Variants in SLC2A13 observed in about 807,000 individuals in gnomAD.
The protein encoded by SLC2A13 is proton myo-inositol cotransporter.
In SLC2A13, 32 loss-of-function variants were observed where a neutral mutation model predicts 64.4. The observed-to-expected ratio is 0.50, with a 90% CI of 0.37 to 0.67. SLC2A13 has a LOEUF of 0.67. Among genes scored for constraint, SLC2A13 ranks in the 30% least tolerant of loss-of-function variants. The pLI, the probability that SLC2A13 is intolerant of heterozygous loss-of-function variation, is 0.00. For synonymous variants in SLC2A13, 338 were observed against 327.1 expected (o/e 1.03, Z -0.36); for missense variants, 743 against 829.2 (o/e 0.90, Z 1.28).
At chr12:39,779,205 A>G (rs138356283) in intron 7 of SLC2A13, among the ~76,000 whole-genome samples, 4 of 152,326 alleles carry the variant, frequency 2.6e-5, no homozygotes, top group Non-Finnish European at 5.9e-5. Flanking sequence ...TTGGCAAGCC[A>G]TTCAACCTCA....
intron 7 of SLC2A13, among the ~76,000 whole-genome samples, chr12:39,805,970 C>G (rs897978848): frequency 2.0e-5 from 3 of 152,172 alleles, no homozygotes; most frequent in Non-Finnish European, 4.4e-5. Context: ...TCATTAAACA[C>G]TTTCCTTAGC....
At chr12:39,896,529 C>CATAT (rs1565528833) in intron 4 of SLC2A13, among the ~76,000 whole-genome samples, 5 of 140,254 alleles carry the variant, frequency 3.6e-5, no homozygotes, top group African/African-American at 1.1e-4. Flanking sequence ...TACATGTATA[C>CATAT]ATGTATGTAT....
intron 7 of SLC2A13, chr12:39,802,171 T>A (rs1941815787): frequency 6.6e-6 from 1 of 152,172 alleles, no homozygotes; most frequent in South Asian, 2.1e-4. Context: ...TGCTTAGAAG[T>A]CTCTGTTTGA....
In SLC2A13 at chr12:40,066,062, T is replaced by A. The variant is rs868858809; in HGVS notation, c.557-17852A>T. Reference sequence around the variant, plus strand: ...GAAAACTTACACATTCAAAGCAACTTAAGAAACACACACATATTAAACAGA... The same window carrying A: ...GAAAACTTACACATTCAAAGCAACTAAAGAAACACACACATATTAAACAGA... On this transcript the variant is annotated intron_variant, in intron 1 of 9. Coordinates refer to ENST00000280871, the MANE Select transcript of SLC2A13 (RefSeq NM_052885.4). Among the ~76,000 whole-genome samples, 4 of 152,186 alleles carry A rather than the reference T, an allele frequency of 2.6e-5. No homozygotes were observed. In the East Asian group the frequency reaches 7.7e-4, roughly 29 times the overall value.
At chr12:39,764,126 T>G (rs1270496779) in intron 9 of SLC2A13, among the ~76,000 whole-genome samples, 1 of 152,040 alleles carries the variant, frequency 6.6e-6, no homozygotes, top group African/African-American at 2.4e-5. Context: ...TACCATTTTC[T>G]GTTTTTTTTT....
At chr12:39,845,693 A>G (rs961824337) in intron 6 of SLC2A13, among the ~76,000 whole-genome samples, 1 of 152,156 alleles carries the variant, frequency 6.6e-6, no homozygotes, top group Non-Finnish European at 1.5e-5. Context: ...AGATAGCATC[A>G]TGTCCTCTGA....
At chr12:39,937,501 C>T (rs767253702) in intron 4 of SLC2A13, among the ~76,000 whole-genome samples, 68 of 152,156 alleles carry the variant, frequency 4.5e-4, no homozygotes, top group South Asian at 1.2e-3. Context: ...TTCTGGGACA[C>T]ATCCCTGGAC....
At chr12:40,022,729 T>C (rs1947740836) in intron 3 of SLC2A13, among the ~76,000 whole-genome samples, 1 of 151,796 alleles carries the variant, frequency 6.6e-6, no homozygotes. Flanking sequence ...TCCCAGCTAC[T>C]GGGGAGGCTG....
At chr12:39,782,522 G>T (rs1941029644) in intron 7 of SLC2A13, among the ~76,000 whole-genome samples, 1 of 152,124 alleles carries the variant, frequency 6.6e-6, no homozygotes, top group Non-Finnish European at 1.5e-5. Context: ...GGAACTGTAA[G>T]TCCAATTAAA....
At chr12:39,851,658 A>T (rs1943473265) in intron 6 of SLC2A13, among the ~76,000 whole-genome samples, 1 of 152,188 alleles carries the variant, frequency 6.6e-6, no homozygotes, top group African/African-American at 2.4e-5. Flanking sequence ...ACATAGGAAA[A>T]CACCAATTAT....
chr12:39,896,249 CATGTATGTATATGTGTGTATATATGT>C (rs1565527607), intron 4 of SLC2A13, among the ~76,000 whole-genome samples: 46 of 92,524 alleles, frequency 5.0e-4, no homozygotes, highest in Non-Finnish European at 9.5e-4. Flanking sequence ...TATATGTATA[CATGTATGTATATGTGTGTATATATGT>C]ATACATGTAT....
intron 2 of SLC2A13, among the ~76,000 whole-genome samples, chr12:40,041,074 TC>T (rs1191989134): frequency 1.3e-5 from 2 of 152,160 alleles, no homozygotes; most frequent in Non-Finnish European, 2.9e-5. Context: ...TGCCTCAGCC[TC>T]CCGAGTAACT....
chr12:39,940,130 C>G (rs971053982), intron 4 of SLC2A13, among the ~76,000 whole-genome samples: 32 of 152,106 alleles, frequency 2.1e-4, no homozygotes, highest in Non-Finnish European at 4.3e-4. Context: ...ATTCACTAAT[C>G]TGGAAATACT....
chr12:40,047,698 C>A (rs930607026), intron 2 of SLC2A13, among the ~76,000 whole-genome samples: 3 of 152,170 alleles, frequency 2.0e-5, no homozygotes, highest in African/African-American at 7.2e-5. Context: ...TTAGTTATAT[C>A]TGTAGTTCAT....
intron 3 of SLC2A13, among the ~76,000 whole-genome samples, chr12:40,003,374 A>G (rs558927156): frequency 3.3e-5 from 5 of 152,342 alleles, no homozygotes; most frequent in South Asian, 2.1e-4. Context: ...ATTATCTCCA[A>G]GGACCAAGGA....
intron 4 of SLC2A13, among the ~76,000 whole-genome samples, chr12:39,942,896 C>T (rs1946061711): frequency 1.3e-5 from 2 of 152,104 alleles, no homozygotes; most frequent in African/African-American, 2.4e-5. Context: ...ATGGATTTAT[C>T]TACCTCTGGT....
intron 1 of SLC2A13, among the ~76,000 whole-genome samples, chr12:40,055,447 A>T (rs1948319574): frequency 6.6e-6 from 1 of 152,216 alleles, no homozygotes; most frequent in Non-Finnish European, 1.5e-5. Context: ...GTAACATCCC[A>T]GTAGAGCCTG....
At chr12:40,084,774 G>T (rs754864918) in intron 1 of SLC2A13, among the ~76,000 whole-genome samples, 16 of 152,114 alleles carry the variant, frequency 1.1e-4, no homozygotes, top group Non-Finnish European at 2.2e-4. Flanking sequence ...TATTTATTAG[G>T]TCTTCCACCC....
intron 1 of SLC2A13, among the ~76,000 whole-genome samples, chr12:40,075,629 GT>G (rs1489260121): frequency 6.6e-6 from 1 of 152,076 alleles, no homozygotes; most frequent in African/African-American, 2.4e-5. Flanking sequence ...GAATCTGTAA[GT>G]TTATGTCTTT....
Sources: gnomAD v4.1 joint callset for allele counts (sites outside exome capture counted in the v4.1 genomes callset) on GRCh38, gnomAD v4.1.1 for gene constraint, MANE v1.5 for transcripts, NCBI Gene and HGNC (gene_info 2026-07-23, HGNC 2026-07-21) for gene names.